The following NEMP2 variants were observed in gnomAD, a reference collection of about 807,000 sequenced individuals.
NEMP2 encodes UPF0571 transmembrane protein.
A neutral mutation model predicts 54.2 loss-of-function variants in NEMP2; 53 were observed. The observed-to-expected ratio is 0.98, with a 90% CI of 0.78 to 1.23. NEMP2 has a LOEUF of 1.23. Ranked by LOEUF, NEMP2 falls within the 50% of genes most tolerant of loss-of-function variation. NEMP2 has a pLI of 0.00. For missense variants in NEMP2, 455 were observed against 511.3 expected (o/e 0.89, Z 1.06); for synonymous variants, 197 against 190.3 (o/e 1.04, Z -0.29).
At chr2:190,429,981 T>A in the NEMP2 span, among the ~76,000 whole-genome samples, 1 of 152,036 alleles carries the variant, frequency 6.6e-6, no homozygotes, top group Non-Finnish European at 1.5e-5. Context: ...TATCTCCTAA[T>A]GCTATCCCTC....
At chr2:190,619,230 T>A in the NEMP2 span, among the ~76,000 whole-genome samples, 2 of 151,562 alleles carry the variant, frequency 1.3e-5, no homozygotes, top group Admixed American at 1.3e-4. The surrounding 1 kb of genome is among the most constrained non-coding windows in gnomAD (Gnocchi z 5.5). Context: ...AATAAACAAT[T>A]AGCTGGGCGT....
the NEMP2 span, among the ~76,000 whole-genome samples, chr2:190,563,273 A>C: frequency 8.6e-5 from 13 of 151,820 alleles, 2 homozygotes; most frequent in African/African-American, 2.9e-4. This position sits in a 1 kb window ranked among gnomAD's most constrained non-coding sequence, Gnocchi z 4.3. Flanking sequence ...CTCCTCCCAC[A>C]CAGGCCCAGT....
the NEMP2 span, among the ~76,000 whole-genome samples, chr2:190,541,168 T>A: frequency 1.4e-5 from 2 of 140,406 alleles, no homozygotes; most frequent in African/African-American, 2.5e-5. The surrounding 1 kb of genome is among the most constrained non-coding windows in gnomAD (Gnocchi z 5.2). Context: ...CAATTTCATT[T>A]TATATATATG....
chr2:190,552,734 T>G, the NEMP2 span, among the ~76,000 whole-genome samples: 1 of 151,896 alleles, frequency 6.6e-6, no homozygotes, highest in Non-Finnish European at 1.5e-5. Flanking sequence ...AAAAAAAAAT[T>G]CTCTTTGCTA....
At chr2:190,626,177 T>C in the NEMP2 span, 1 of 152,132 alleles carries the variant, frequency 6.6e-6, no homozygotes, top group East Asian at 1.9e-4. This position sits in a 1 kb window ranked among gnomAD's most constrained non-coding sequence, Gnocchi z 4.5. Context: ...GAGGACTCTG[T>C]CGTCATGACA....
At chr2:190,600,479 A>G in the NEMP2 span, among the ~76,000 whole-genome samples, 1 of 152,198 alleles carries the variant, frequency 6.6e-6, no homozygotes, top group Non-Finnish European at 1.5e-5. This position sits in a 1 kb window ranked among gnomAD's most constrained non-coding sequence, Gnocchi z 4.9. Context: ...GGTGTGGCAT[A>G]GTGTGAGGTG....
intron 1 of NEMP2, among the ~76,000 whole-genome samples, chr2:190,526,796 G>C (rs1179340406): frequency 2.6e-5 from 4 of 152,150 alleles, no homozygotes; most frequent in Non-Finnish European, 5.9e-5. Flanking sequence ...AAGATGGACA[G>C]ATCTTCACAT....
chr2:190,424,684 T>C, the NEMP2 span, among the ~76,000 whole-genome samples: 1 of 152,204 alleles, frequency 6.6e-6, no homozygotes, highest in East Asian at 1.9e-4. The surrounding 1 kb of genome is among the most constrained non-coding windows in gnomAD (Gnocchi z 5.9). Context: ...GCACCATTTG[T>C]TGAAAGGTTA....
the NEMP2 span, chr2:190,610,787 T>C: frequency 3.3e-5 from 5 of 152,240 alleles, no homozygotes; most frequent in Non-Finnish European, 5.9e-5. This position sits in a 1 kb window ranked among gnomAD's most constrained non-coding sequence, Gnocchi z 5.4. Flanking sequence ...AAGCTGTCAA[T>C]AGCTCAAAAG....
chr2:190,576,477 C>A, the NEMP2 span, among the ~76,000 whole-genome samples: 1 of 152,106 alleles, frequency 6.6e-6, no homozygotes, highest in African/African-American at 2.4e-5. Flanking sequence ...CGGGAAACAT[C>A]AAAATGCAGC....
chr2:190,477,647 G>C, the NEMP2 span, among the ~76,000 whole-genome samples: 1 of 152,198 alleles, frequency 6.6e-6, no homozygotes, highest in East Asian at 1.9e-4. Flanking sequence ...CATGCTGGGT[G>C]CTGAGAATGT....
the NEMP2 span, among the ~76,000 whole-genome samples, chr2:190,550,936 T>C: frequency 6.6e-6 from 1 of 152,218 alleles, no homozygotes; most frequent in Non-Finnish European, 1.5e-5. The surrounding 1 kb of genome is among the most constrained non-coding windows in gnomAD (Gnocchi z 4.7). Flanking sequence ...AGCATTTTAA[T>C]GTTGGTTCAT....
At chr2:190,580,296 C>G in the NEMP2 span, among the ~76,000 whole-genome samples, 1 of 152,124 alleles carries the variant, frequency 6.6e-6, no homozygotes, top group African/African-American at 2.4e-5. The surrounding 1 kb of genome is among the most constrained non-coding windows in gnomAD (Gnocchi z 5.3). Context: ...AGGAGAGAAG[C>G]CTTGTGATGC....
At position 190,533,646 on chromosome 2, in the gene NEMP2, G is replaced by A. The variant is rs949072432; in HGVS notation, c.97+913C>T. Among the ~76,000 whole-genome samples, 1 of 152,058 alleles carries A rather than the reference G, an allele frequency of 6.6e-6. No individual in the cohort carries two copies. Among genetic ancestry groups the A allele is most frequent in the African/African-American group, 2.4e-5 (1 of 41,382 alleles). On this transcript the variant is annotated intron_variant, in intron 1 of 8. Coordinates refer to ENST00000409150, the MANE Select transcript of NEMP2 (RefSeq NM_001142645.2). The surrounding 1 kb of genome is among the most constrained non-coding windows in gnomAD (Gnocchi z 4.3). ...TTAGATAAAAAACCGCGGTATAACC[G>A]GAGGGAGGGCCATGCCCAGCTAAAA...
At chr2:190,596,430 C>A in the NEMP2 span, among the ~76,000 whole-genome samples, 21 of 152,116 alleles carry the variant, frequency 1.4e-4, no homozygotes, top group African/African-American at 4.8e-4. This position sits in a 1 kb window ranked among gnomAD's most constrained non-coding sequence, Gnocchi z 5.1. Context: ...TATGCACCAC[C>A]ACTTACATAT....
At position 190,533,443 on chromosome 2, in the gene NEMP2, T is replaced by C. The variant is rs1691228949; in HGVS notation, c.97+1116A>G. On this transcript the variant is annotated intron_variant, in intron 1 of 8. Transcript: ENST00000409150. The surrounding 1 kb of genome is among the most constrained non-coding windows in gnomAD (Gnocchi z 4.3). ...TATGGGTATTAAATATGATAGATAC[T>C]GCAGTTAAAGCACTTATAACACTGC... is the stretch of plus-strand genomic sequence containing the variant. Among the ~76,000 whole-genome samples the C allele has an allele frequency of 6.6e-6, 1 of 152,262 alleles. No homozygotes were observed. The highest frequency in any genetic ancestry group is 1.9e-4 in the East Asian group (1 of 5,204).
chr2:190,437,067 C>T, the NEMP2 span: 6 of 1,614,074 alleles, frequency 3.7e-6, no homozygotes, highest in East Asian at 2.2e-5. The surrounding 1 kb of genome is among the most constrained non-coding windows in gnomAD (Gnocchi z 5.9). Flanking sequence ...GCATCGGGAT[C>T]GACTACACCC....
the NEMP2 span, among the ~76,000 whole-genome samples, chr2:190,619,958 A>G: frequency 6.6e-6 from 1 of 152,204 alleles, no homozygotes; most frequent in Admixed American, 6.5e-5. The surrounding 1 kb of genome is among the most constrained non-coding windows in gnomAD (Gnocchi z 5.5). Flanking sequence ...CCAGCCCTGC[A>G]TTGGCTCTTG....
the NEMP2 span, among the ~76,000 whole-genome samples, chr2:190,540,160 A>G: frequency 2.6e-5 from 4 of 152,194 alleles, no homozygotes; most frequent in African/African-American, 9.7e-5. Context: ...TTTTTCCAGC[A>G]TGTATTGGAA....
Sources: allele counts gnomAD v4.1 joint callset (sites outside exome capture counted in the v4.1 genomes callset), GRCh38; gene constraint gnomAD v4.1.1; non-coding constraint Gnocchi (gnomAD v3.1); transcripts MANE v1.5; gene names NCBI Gene and HGNC (gene_info 2026-07-23, HGNC 2026-07-21).